The following VPS13B variants were observed in gnomAD, a reference collection of about 807,000 sequenced individuals.
VPS13B encodes intermembrane lipid transfer protein VPS13B.
In VPS13B, 285 loss-of-function variants were observed where a neutral mutation model predicts 426.4. The ratio of observed to expected loss-of-function variants is 0.67; its 90% CI spans 0.61 to 0.74. The LOEUF is 0.74. VPS13B is among the 30% of genes least tolerant of loss of function. VPS13B has a pLI of 0.00. For synonymous variants in VPS13B, 1,676 were observed against 1,676.4 expected (o/e 1.00, Z 0.01); for missense variants, 4,537 against 4,782.6 (o/e 0.95, Z 1.51).
At chr8:99,359,126 G>A (rs1812352055) in intron 19 of VPS13B, among the ~76,000 whole-genome samples, 1 of 151,994 alleles carries the variant, frequency 6.6e-6, no homozygotes, top group African/African-American at 2.4e-5. Flanking sequence ...TGTATTTGAT[G>A]AATTTTTTCT....
At chr8:99,449,803 G>T (rs1818099140) in intron 23 of VPS13B, among the ~76,000 whole-genome samples, 3 of 151,428 alleles carry the variant, frequency 2.0e-5, no homozygotes. Context: ...AGTATTTTCA[G>T]AAGAATGATT....
At chr8:99,467,288 C>A in intron 23 of VPS13B, 126 bp from the exon 24 acceptor site, 6 of 1,005,382 alleles carry the variant, frequency 6.0e-6, no homozygotes, top group Non-Finnish European at 9.3e-6. Flanking sequence ...CTCAGGAATA[C>A]TATATTCACT....
intron 61 of VPS13B, among the ~76,000 whole-genome samples, chr8:99,872,687 C>A (rs1187729540): frequency 6.6e-6 from 1 of 152,218 alleles, no homozygotes; most frequent in African/African-American, 2.4e-5. Flanking sequence ...AGTGGTGGAT[C>A]AGTGGCAAAC....
chr8:99,870,932 T>G (rs140003238), intron 60 of VPS13B, 45 bp downstream of exon 60: 2 of 1,582,526 alleles, frequency 1.3e-6, no homozygotes, highest in East Asian at 4.5e-5. Context: ...CCATATTGTA[T>G]GTTAATAGCT....
intron 19 of VPS13B, chr8:99,340,771 G>C (rs1260100454): frequency 2.9e-6 from 1 of 347,400 alleles, no homozygotes; most frequent in Non-Finnish European, 5.8e-6. Context: ...GCGAGGTGAC[G>C]CCTGCTCTCA....
chr8:99,672,616 T>A (rs1319408280), intron 35 of VPS13B, among the ~76,000 whole-genome samples: 1 of 152,132 alleles, frequency 6.6e-6, no homozygotes, highest in East Asian at 1.9e-4. Flanking sequence ...CACCTTTTCC[T>A]ATTTGGATTC....
chr8:99,023,310 C>G (rs1015890673), intron 2 of VPS13B, among the ~76,000 whole-genome samples: 3 of 151,946 alleles, frequency 2.0e-5, no homozygotes, highest in African/African-American at 2.4e-5. Context: ...ATGATATCAA[C>G]TTTTTCAGCC....
chr8:99,665,436 G>A (rs1419119688), intron 35 of VPS13B, among the ~76,000 whole-genome samples: 1 of 152,098 alleles, frequency 6.6e-6, no homozygotes, highest in East Asian at 1.9e-4. Context: ...TTCTTCTAGG[G>A]TTTTTATGGT....
intron 25 of VPS13B, among the ~76,000 whole-genome samples, chr8:99,488,407 CT>C (rs1820418620): frequency 6.6e-6 from 1 of 151,284 alleles, no homozygotes; most frequent in Admixed American, 6.6e-5. Flanking sequence ...TTTTTTCCTC[CT>C]GGGGAAAACT....
rs567606240 is a variant in VPS13B, at chr8:99,702,521, A to G, written c.6454+2589A>G. 3.3e-5 allele frequency among the ~76,000 whole-genome samples: 5 copies of G among 152,294 alleles called. No individual in the cohort carries two copies. The East Asian group carries it at 9.6e-4, about 29-fold the overall frequency. ...GTTATTGTATAGAATGACTTCAGAT[A>G]AAATAATTGTAGAAAATTTTCATTA... On this transcript the variant is annotated intron_variant, in intron 36 of 61. Coordinates refer to ENST00000357162, the MANE Select transcript of VPS13B (RefSeq NM_152564.5).
At chr8:99,616,895 AAT>A (rs1282964051) in intron 33 of VPS13B, among the ~76,000 whole-genome samples, 1 of 152,246 alleles carries the variant, frequency 6.6e-6, no homozygotes, top group Admixed American at 6.5e-5. Context: ...ACATTACAAA[AAT>A]GTATTTGAAA....
chr8:99,038,574 A>G lies in VPS13B; in HGVS notation c.291+8A>G, dbSNP rs754862945. ...CTTAAGGATGGGATACAGGTAAGAA[A>G]TTATTGAACCAAGTTGTTTATGTTA... is the stretch of plus-strand genomic sequence containing the variant. On this transcript the variant is annotated splice_region_variant and intron_variant, in intron 3 of 61. Transcript: ENST00000357162. The G allele has an allele frequency of 1.4e-5, 22 of 1,610,944 alleles. No individual in the cohort carries two copies. The South Asian group carries it at 2.4e-4, about 18-fold the overall frequency.
chr8:99,875,583 C>T lies in VPS13B; in HGVS notation c.11911C>T (p.Leu3971=), dbSNP rs2130990707. The change falls in exon 62 of 62, where the codon CTG becomes TTG. Residue 3971 remains leucine, a synonymous_variant. Coordinates refer to ENST00000357162, the MANE Select transcript of VPS13B (RefSeq NM_152564.5). ...PPSTVKTYHY[L]VDPHFAQVFL... ...CTCCACTGTTAAAACATACCATTACCTGGTTGATCCACATTTTGCTCAGGT... is the reference window on the plus strand; with the variant it reads ...CTCCACTGTTAAAACATACCATTACTTGGTTGATCCACATTTTGCTCAGGT... 4 of 1,614,164 alleles carry T rather than the reference C, an allele frequency of 2.5e-6. No individual in the cohort carries two copies. Among genetic ancestry groups the T allele is most frequent in the Non-Finnish European group, 2.5e-6 (3 of 1,180,034 alleles).
chr8:99,827,888 T>C (rs1222357330), intron 51 of VPS13B, among the ~76,000 whole-genome samples: 1 of 152,188 alleles, frequency 6.6e-6, no homozygotes, highest in Non-Finnish European at 1.5e-5. Flanking sequence ...TGTAGTTGTG[T>C]GGATTTTAGT....
At chr8:99,843,974 C>G (rs538758190) in intron 54 of VPS13B, among the ~76,000 whole-genome samples, 3 of 152,338 alleles carry the variant, frequency 2.0e-5, no homozygotes, top group South Asian at 2.1e-4. Flanking sequence ...CTTCCTTCCT[C>G]TCTGGATTTA....
chr8:99,766,806 C>G lies in VPS13B; in HGVS notation c.7083C>G (p.Leu2361=). The part of the protein sequence containing the change: ...VPCSLEYWDE[L]QKVFVAFREF... ...GTAGCTTGGAATACTGGGATGAACTCCAGAAGGTTTTTGTTGCATTTAGAG... is the reference window on the plus strand; with the variant it reads ...GTAGCTTGGAATACTGGGATGAACTGCAGAAGGTTTTTGTTGCATTTAGAG... Residue 2361 remains leucine, a synonymous_variant, in exon 40 of 62, where the codon CTC becomes CTG. Coordinates refer to ENST00000357162, the MANE Select transcript of VPS13B (RefSeq NM_152564.5). 1 of 1,613,830 alleles carries G rather than the reference C, an allele frequency of 6.2e-7. No individual in the cohort carries two copies.
intron 17 of VPS13B, among the ~76,000 whole-genome samples, chr8:99,267,780 G>A (rs1425686884): frequency 6.6e-6 from 1 of 151,786 alleles, no homozygotes; most frequent in African/African-American, 2.4e-5. Context: ...AGAAAGTGAA[G>A]CTGGCCACAA....
intron 43 of VPS13B, among the ~76,000 whole-genome samples, chr8:99,792,053 C>T (rs1462200885): frequency 6.6e-6 from 1 of 152,112 alleles, no homozygotes; most frequent in African/African-American, 2.4e-5. Flanking sequence ...ATGCATGGGG[C>T]AAACTGAATG....
At chr8:99,500,542 C>A (rs1025449135) in intron 25 of VPS13B, among the ~76,000 whole-genome samples, 6 of 152,088 alleles carry the variant, frequency 3.9e-5, no homozygotes, top group African/African-American at 1.4e-4. Flanking sequence ...AAACTACTTG[C>A]CTCAAATCAC....
Sources: allele counts gnomAD v4.1 joint callset (sites outside exome capture counted in the v4.1 genomes callset), GRCh38; gene constraint gnomAD v4.1.1; transcripts MANE v1.5; gene names NCBI Gene and HGNC (gene_info 2026-07-23, HGNC 2026-07-21).